SCMH1: variants seen among roughly 807,000 people sequenced by gnomAD.
The protein encoded by SCMH1 is Scm polycomb group protein homolog 1, also known as polycomb protein SCMH1.
A neutral mutation model predicts 70.8 loss-of-function variants in SCMH1; 37 were observed. The observed-to-expected ratio is 0.52, with a 90% CI of 0.40 to 0.69. The LOEUF (loss-of-function observed/expected upper bound fraction) is 0.69, where lower values mean the gene tolerates loss of function less well. Among genes scored for constraint, SCMH1 ranks in the 30% least tolerant of loss-of-function variants. The pLI, the probability that SCMH1 is intolerant of heterozygous loss-of-function variation, is 0.00. For synonymous variants in SCMH1, 292 were observed against 307.4 expected (o/e 0.95, Z 0.52); for missense variants, 607 against 827.3 (o/e 0.73, Z 3.27).
At chr1:41,048,916 G>A in intron 10 of SCMH1, 26 bp from the exon 11 acceptor site, 1 of 1,589,904 alleles carries the variant, frequency 6.3e-7, no homozygotes, top group African/African-American at 1.4e-5. Context: ...AATCAAAGAA[G>A]CTTCAAGAGT....
chr1:41,214,766 A>G (rs1284352699), intron 1 of SCMH1, among the ~76,000 whole-genome samples: 1 of 152,150 alleles, frequency 6.6e-6, no homozygotes, highest in African/African-American at 2.4e-5. Context: ...TGATTCTCCA[A>G]TTGAGGGTCT....
intron 3 of SCMH1, 125 bp downstream of exon 3, chr1:41,161,239 G>T: frequency 7.0e-7 from 1 of 1,424,732 alleles, no homozygotes; most frequent in Non-Finnish European, 9.5e-7. Context: ...TCTGTAAACT[G>T]CAATATTTGC....
At chr1:41,028,656 G>T (rs1436335206) in exon 14 of SCMH1, 2 of 1,613,994 alleles carry the variant, frequency 1.2e-6, no homozygotes, top group South Asian at 1.1e-5. Flanking sequence ...TCACATCCTC[G>T]ACTGTCCATG....
At chr1:41,073,381 T>C (rs1355541622) in intron 9 of SCMH1, among the ~76,000 whole-genome samples, 2 of 152,180 alleles carry the variant, frequency 1.3e-5, no homozygotes, top group African/African-American at 2.4e-5. Context: ...CCTCAAGATG[T>C]CTTCACATCA....
chr1:41,226,048 G>T (rs1660218175), intron 1 of SCMH1, among the ~76,000 whole-genome samples: 2 of 152,142 alleles, frequency 1.3e-5, no homozygotes, highest in Non-Finnish European at 2.9e-5. Flanking sequence ...TCAATGTGTG[G>T]TCTTCATAAG....
chr1:41,195,193 C>T (rs911894529), intron 1 of SCMH1, among the ~76,000 whole-genome samples: 9 of 148,936 alleles, frequency 6.0e-5, no homozygotes, highest in Admixed American at 4.7e-4. Context: ...CTTACCAGGC[C>T]GTGTGGCCTC....
chr1:41,169,462 C>A (rs186835684), intron 2 of SCMH1, among the ~76,000 whole-genome samples: 1 of 152,258 alleles, frequency 6.6e-6, no homozygotes, highest in Admixed American at 6.5e-5. Flanking sequence ...TATTTGTATA[C>A]CTATTTAAAG....
intron 1 of SCMH1, among the ~76,000 whole-genome samples, chr1:41,195,531 T>C (rs1446849997): frequency 1.3e-5 from 2 of 150,904 alleles, no homozygotes; most frequent in Admixed American, 6.6e-5. Context: ...ATAATGAAAA[T>C]ACACAATAAA....
In SCMH1 at chr1:41,149,652, T is replaced by A. The variant is rs186101781; in HGVS notation, c.177+1962A>T. Among the ~76,000 whole-genome samples the A allele has an allele frequency of 2.6e-3, 396 of 152,332 alleles. 3 individuals are homozygous for A. Among genetic ancestry groups the A allele is most frequent in the Non-Finnish European group, 4.3e-3 (290 of 68,030 alleles). ...TTAAGTTATTTGTGAAGTAGTTTGA[T>A]CTTCTTGAGTTTTACCTTTATGATT... On this transcript the variant is annotated intron_variant, in intron 5 of 14. Transcript: ENST00000337495.
intron 8 of SCMH1, among the ~76,000 whole-genome samples, chr1:41,093,464 T>TACAAACATGGC (rs1664211775): frequency 6.6e-6 from 1 of 152,112 alleles, no homozygotes; most frequent in Non-Finnish European, 1.5e-5. Context: ...GGCACATGTA[T>TACAAACATGGC]ACATATGTAA....
chr1:41,038,326 G>A (rs551580638), intron 12 of SCMH1, among the ~76,000 whole-genome samples: 9 of 152,326 alleles, frequency 5.9e-5, no homozygotes, highest in African/African-American at 7.2e-5. Flanking sequence ...CAAAGAACCC[G>A]AAGCAGATTC....
At chr1:41,134,042 CT>C (rs1642845602) in intron 6 of SCMH1, among the ~76,000 whole-genome samples, 2 of 152,296 alleles carry the variant, frequency 1.3e-5, no homozygotes, top group East Asian at 3.9e-4. Context: ...CAATAAAACA[CT>C]GACAAACCGA....
At chr1:41,085,609 C>T (rs1002816038) in intron 8 of SCMH1, among the ~76,000 whole-genome samples, 2 of 152,080 alleles carry the variant, frequency 1.3e-5, no homozygotes, top group Non-Finnish European at 1.5e-5. Context: ...ACAGGGTATG[C>T]GCCATCCAAA....
intron 12 of SCMH1, among the ~76,000 whole-genome samples, chr1:41,046,158 TTTTA>T (rs1646873098): frequency 6.6e-6 from 1 of 152,156 alleles, no homozygotes; most frequent in Non-Finnish European, 1.5e-5. Context: ...GCGAACCACC[TTTTA>T]TCTAGGGATA....
intron 6 of SCMH1, among the ~76,000 whole-genome samples, chr1:41,136,933 T>C (rs1319658199): frequency 1.3e-5 from 2 of 151,912 alleles, no homozygotes; most frequent in African/African-American, 2.4e-5. Flanking sequence ...TATGCCACCA[T>C]GCTGGGCTAA....
At chr1:41,232,001 G>C (rs1298689090) in intron 1 of SCMH1, among the ~76,000 whole-genome samples, 1 of 149,790 alleles carries the variant, frequency 6.7e-6, no homozygotes, top group Non-Finnish European at 1.5e-5. Context: ...ACCAGCCAGG[G>C]TGACAGTGCA....
chr1:41,178,634 A>C (rs565838882), intron 2 of SCMH1, among the ~76,000 whole-genome samples: 1 of 152,356 alleles, frequency 6.6e-6, no homozygotes, highest in East Asian at 1.9e-4. Flanking sequence ...AAAAGAGACA[A>C]AGAAGGCCAT....
In SCMH1 at chr1:41,115,360, G is replaced by A. The variant is rs545055888; in HGVS notation, c.501+1562C>T. Among the ~76,000 whole-genome samples, 5 of 152,310 alleles carry A rather than the reference G, an allele frequency of 3.3e-5. No homozygotes were observed. In the South Asian group the frequency reaches 8.3e-4, roughly 25 times the overall value. On this transcript the variant is annotated intron_variant, in intron 7 of 14. Coordinates refer to ENST00000337495, the Ensembl canonical transcript of SCMH1. Reference sequence around the variant, plus strand: ...TACTTTGAGATTACATTTTCTAGGAGCATGTACATTTATGACTGTTTTATC... The same window carrying A: ...TACTTTGAGATTACATTTTCTAGGAACATGTACATTTATGACTGTTTTATC...
At chr1:41,126,377 T>C (rs1401076807) in intron 6 of SCMH1, among the ~76,000 whole-genome samples, 1 of 152,188 alleles carries the variant, frequency 6.6e-6, no homozygotes, top group Admixed American at 6.6e-5. Context: ...GCTTTGTTCA[T>C]CTTTTTTAGT....
Sources: allele counts gnomAD v4.1 joint callset (sites outside exome capture counted in the v4.1 genomes callset), GRCh38; gene constraint gnomAD v4.1.1; transcripts MANE v1.5; gene names NCBI Gene and HGNC (gene_info 2026-07-23, HGNC 2026-07-21).